The following LSAMP variants were observed in gnomAD, a reference collection of about 807,000 sequenced individuals.
LSAMP encodes the protein limbic system-associated membrane protein.
In LSAMP, 7 loss-of-function variants were observed where a neutral mutation model predicts 38.6. That is an observed-to-expected ratio of 0.18 (90% CI 0.10 to 0.34). The LOEUF is 0.34. Among genes scored for constraint, LSAMP ranks in the 10% least tolerant of loss-of-function variants. LSAMP has a pLI of 1.00. For missense variants in LSAMP, 313 were observed against 420.0 expected (o/e 0.75, Z 2.23); for synonymous variants, 154 against 166.8 (o/e 0.92, Z 0.59).
intron 1 of LSAMP, among the ~76,000 whole-genome samples, chr3:116,379,775 G>A (rs1237180396): frequency 6.6e-6 from 1 of 151,974 alleles, no homozygotes; most frequent in African/African-American, 2.4e-5. Context: ...GTGGAAATTA[G>A]AAGAAATATT....
chr3:116,004,545 C>T (rs1258515268), intron 3 of LSAMP, among the ~76,000 whole-genome samples: 1 of 148,914 alleles, frequency 6.7e-6, no homozygotes. Context: ...TACACACACA[C>T]ACGTAGGTGC....
At chr3:115,948,024 G>A (rs1938158331) in intron 3 of LSAMP, among the ~76,000 whole-genome samples, 1 of 152,144 alleles carries the variant, frequency 6.6e-6, no homozygotes, top group Non-Finnish European at 1.5e-5. Flanking sequence ...ATGCAGAAAG[G>A]TGATAATCTT....
chr3:115,850,865 G>C (rs1235878974), intron 4 of LSAMP, among the ~76,000 whole-genome samples: 2 of 152,168 alleles, frequency 1.3e-5, no homozygotes, highest in Non-Finnish European at 2.9e-5. Context: ...AGTTTCCTCA[G>C]CTCTCCAAGC....
At chr3:115,986,229 G>A (rs547431406) in intron 3 of LSAMP, among the ~76,000 whole-genome samples, 51 of 152,240 alleles carry the variant, frequency 3.3e-4, no homozygotes, top group Non-Finnish European at 6.9e-4. Flanking sequence ...TGGGGCTCAA[G>A]GTAGCTACAA....
chr3:115,873,315 G>A (rs902639927), intron 3 of LSAMP, among the ~76,000 whole-genome samples: 1 of 151,594 alleles, frequency 6.6e-6, no homozygotes, highest in Admixed American at 6.6e-5. Flanking sequence ...CCTGGGAGGT[G>A]GAAGTTGCAG....
intron 2 of LSAMP, among the ~76,000 whole-genome samples, chr3:116,062,556 A>G (rs565809952): frequency 6.6e-6 from 1 of 152,118 alleles, no homozygotes; most frequent in South Asian, 2.1e-4. Context: ...CTCAGTGTGA[A>G]ATCCAAAGTG....
intron 3 of LSAMP, among the ~76,000 whole-genome samples, chr3:115,930,060 C>T (rs1481694984): frequency 9.1e-6 from 1 of 110,450 alleles, no homozygotes; most frequent in Non-Finnish European, 1.7e-5. Context: ...AGTATTGAAG[C>T]CTATGGGCAG....
rs116623994 is a variant in LSAMP at position 116,047,090 on chromosome 3, C to T, written c.389-27450G>A. On this transcript the variant is annotated intron_variant, in intron 2 of 6. Transcript: ENST00000490035. Reference sequence around the variant, plus strand: ...AATGCAGTTCCTATCCTTTGGGACACGTATTTTGGTTATACAAGTCAGAAA... The same window carrying T: ...AATGCAGTTCCTATCCTTTGGGACATGTATTTTGGTTATACAAGTCAGAAA... Among the ~76,000 whole-genome samples, 1,282 of 152,156 alleles carry T rather than the reference C, an allele frequency of 8.4e-3. 18 individuals are homozygous for T. The highest frequency in any genetic ancestry group is 0.028 in the African/African-American group (1,179 of 41,528).
At chr3:116,200,418 C>A (rs1195483332) in intron 1 of LSAMP, among the ~76,000 whole-genome samples, 4 of 152,198 alleles carry the variant, frequency 2.6e-5, no homozygotes, top group African/African-American at 9.6e-5. Flanking sequence ...TACATCCTAT[C>A]TGTTTTCCTA....
At chr3:115,993,098 C>T (rs547543589) in intron 3 of LSAMP, among the ~76,000 whole-genome samples, 173 of 152,222 alleles carry the variant, frequency 1.1e-3, no homozygotes, top group Middle Eastern at 3.4e-3. Flanking sequence ...TTATATTTCT[C>T]CTACATACTC....
chr3:116,082,504 C>T (rs550166928), intron 2 of LSAMP, among the ~76,000 whole-genome samples: 7 of 152,168 alleles, frequency 4.6e-5, no homozygotes, highest in African/African-American at 1.7e-4. Flanking sequence ...CATAGTAAGC[C>T]AAAATGTTGA....
chr3:116,323,751 A>G (rs964662568), intron 1 of LSAMP, among the ~76,000 whole-genome samples: 4 of 152,068 alleles, frequency 2.6e-5, no homozygotes, highest in African/African-American at 4.8e-5. Flanking sequence ...ACCTCTAATC[A>G]TGGCCCTCAA....
Position 115,825,521 on chromosome 3 carries a change from C to T in LSAMP, c.920-15107G>A, listed in dbSNP as rs541368965. ...TGAAAAGCTGCAAGTTTTCTCTAGA[C>T]ATTCTGCTAAATAACAGGCTGTCAG... On this transcript the variant is annotated intron_variant, in intron 6 of 6. Coordinates refer to ENST00000490035, the MANE Select transcript of LSAMP (RefSeq NM_002338.5). 5.9e-5 allele frequency among the ~76,000 whole-genome samples: 9 copies of T among 152,310 alleles called. No homozygotes were observed. In the East Asian group the frequency reaches 1.5e-3, roughly 26 times the overall value.
chr3:116,323,896 A>G (rs1301681012), intron 1 of LSAMP, among the ~76,000 whole-genome samples: 1 of 152,166 alleles, frequency 6.6e-6, no homozygotes, highest in African/African-American at 2.4e-5. Flanking sequence ...ATCCAAAACA[A>G]TCTTCAACCC....
At chr3:115,944,616 T>C (rs1938035207) in intron 3 of LSAMP, among the ~76,000 whole-genome samples, 1 of 152,206 alleles carries the variant, frequency 6.6e-6, no homozygotes, top group African/African-American at 2.4e-5. Context: ...GTATGCTTTT[T>C]ACTGTGGCAA....
chr3:116,006,887 G>T (rs1940175325), intron 3 of LSAMP, among the ~76,000 whole-genome samples: 2 of 152,142 alleles, frequency 1.3e-5, no homozygotes, highest in Admixed American at 6.5e-5. Context: ...CTAAATTTCT[G>T]TGACTATTTT....
intron 1 of LSAMP, among the ~76,000 whole-genome samples, chr3:116,267,448 T>G (rs2046907063): frequency 6.6e-6 from 1 of 152,056 alleles, no homozygotes; most frequent in African/African-American, 2.4e-5. Flanking sequence ...TGCCTTTACA[T>G]CAGGAAGAAC....
At chr3:115,915,584 G>A (rs1326915220) in intron 3 of LSAMP, among the ~76,000 whole-genome samples, 1 of 152,068 alleles carries the variant, frequency 6.6e-6, no homozygotes, top group Admixed American at 6.5e-5. Flanking sequence ...TTCACTTGCT[G>A]CAGCCTTTTA....
At chr3:115,933,111 GGT>G (rs1360543831) in intron 3 of LSAMP, among the ~76,000 whole-genome samples, 7 of 152,192 alleles carry the variant, frequency 4.6e-5, no homozygotes, top group African/African-American at 1.7e-4. Context: ...GAAAGGGAGT[GGT>G]TTCACTCGAC....
Sources: gnomAD v4.1 joint callset for allele counts (sites outside exome capture counted in the v4.1 genomes callset) on GRCh38, gnomAD v4.1.1 for gene constraint, MANE v1.5 for transcripts, NCBI Gene and HGNC (gene_info 2026-07-23, HGNC 2026-07-21) for gene names.